Variants in SYT1 observed in about 807,000 individuals in gnomAD.
SYT1 encodes the protein synaptotagmin-1.
Under a neutral mutation model 44.8 loss-of-function variants are expected in SYT1, and 8 were observed. The ratio of observed to expected loss-of-function variants is 0.18; its 90% CI spans 0.10 to 0.32. The LOEUF is 0.32. Ranked by LOEUF, SYT1 falls within the 10% of genes least tolerant of loss-of-function variation. The pLI, the probability that SYT1 is intolerant of heterozygous loss-of-function variation, is 1.00. For missense variants in SYT1, 286 were observed against 509.3 expected (o/e 0.56, Z 4.22); for synonymous variants, 154 against 188.8 (o/e 0.82, Z 1.51).
intron 9 of SYT1, among the ~76,000 whole-genome samples, chr12:79,414,467 G>A (rs1260346821): frequency 1.3e-5 from 2 of 152,094 alleles, no homozygotes; most frequent in African/African-American, 4.8e-5. Context: ...GAGAATTGCA[G>A]CTACTGTCCA....
At chr12:78,943,243 C>T (rs1878478391) in intron 1 of SYT1, among the ~76,000 whole-genome samples, 1 of 152,134 alleles carries the variant, frequency 6.6e-6, no homozygotes, top group African/African-American at 2.4e-5. Flanking sequence ...TAAAGAAGAA[C>T]CTGATAGTGG....
In SYT1 at chr12:79,427,830, G is replaced by A. The variant is rs1593058745; in HGVS notation, c.929-16243G>A. 2.0e-5 allele frequency among the ~76,000 whole-genome samples: 3 copies of A among 152,136 alleles called. No homozygotes were observed. In the South Asian group the frequency reaches 6.2e-4, roughly 32 times the overall value. On this transcript the variant is annotated intron_variant, in intron 9 of 10. Transcript: ENST00000261205. ...CGTCCTGAGAGAAGAAACTGGAGAG[G>A]TAGAGCAGGAGCCAGATCATTCAGG...
intron 1 of SYT1, among the ~76,000 whole-genome samples, chr12:78,975,079 C>T (rs1868719327): frequency 6.6e-6 from 1 of 151,892 alleles, no homozygotes; most frequent in African/African-American, 2.4e-5. Flanking sequence ...ATATTGTTCC[C>T]ACGTTGCGCC....
At chr12:79,364,770 C>T (rs1245779) in intron 9 of SYT1, among the ~76,000 whole-genome samples, 33,849 of 151,932 alleles carry the variant, frequency 0.22, 6,850 homozygotes, top group African/African-American at 0.54. Flanking sequence ...TAAAGTGTCC[C>T]GTTAACAAAC....
intron 1 of SYT1, among the ~76,000 whole-genome samples, chr12:78,931,884 A>T (rs1877776382): frequency 6.6e-6 from 1 of 152,220 alleles, no homozygotes; most frequent in Admixed American, 6.5e-5. Flanking sequence ...TGGTAAAAGC[A>T]GAGTCTGTTC....
chr12:79,095,444 C>CT (rs1012220537), intron 3 of SYT1, among the ~76,000 whole-genome samples: 2 of 151,506 alleles, frequency 1.3e-5, no homozygotes, highest in African/African-American at 2.4e-5. Flanking sequence ...TGTGTCTCTT[C>CT]TTTTTTTTAA....
At chr12:78,955,131 C>A (rs994187618) in intron 1 of SYT1, among the ~76,000 whole-genome samples, 2 of 151,952 alleles carry the variant, frequency 1.3e-5, no homozygotes, top group Non-Finnish European at 2.9e-5. Context: ...TCATTAATGC[C>A]GTTTCATTTT....
intron 9 of SYT1, among the ~76,000 whole-genome samples, chr12:79,359,063 A>G (rs1883221822): frequency 6.6e-6 from 1 of 152,142 alleles, no homozygotes; most frequent in East Asian, 1.9e-4. Context: ...TGAAGCTAGC[A>G]CCTAATTCTT....
At chr12:79,444,994 A>T (rs970335381) in intron 10 of SYT1, among the ~76,000 whole-genome samples, 11 of 152,116 alleles carry the variant, frequency 7.2e-5, no homozygotes, top group African/African-American at 2.7e-4. Context: ...TCAGAGAGTC[A>T]AACTGCATAA....
chr12:79,246,602 G>C (rs539953817), intron 4 of SYT1, among the ~76,000 whole-genome samples: 1 of 152,132 alleles, frequency 6.6e-6, no homozygotes, highest in Admixed American at 6.6e-5. Context: ...CTCCTCACAC[G>C]GTGGCAGGTG....
At chr12:79,297,560 T>C (rs1879934540) in intron 7 of SYT1, among the ~76,000 whole-genome samples, 1 of 152,094 alleles carries the variant, frequency 6.6e-6, no homozygotes, top group Admixed American at 6.5e-5. Flanking sequence ...ATGCTAATAA[T>C]TTTATTAGTA....
intron 3 of SYT1, among the ~76,000 whole-genome samples, chr12:79,142,074 T>C (rs985043763): frequency 2.0e-5 from 3 of 152,172 alleles, no homozygotes; most frequent in African/African-American, 7.2e-5. Context: ...AGAAATGGGT[T>C]CCAAGCATCA....
intron 3 of SYT1, among the ~76,000 whole-genome samples, chr12:79,151,891 G>A (rs558590227): frequency 6.6e-6 from 1 of 152,212 alleles, no homozygotes; most frequent in African/African-American, 2.4e-5. Context: ...GAAATTGGGG[G>A]CTTATCAGCA....
At chr12:79,277,727 T>C (rs1318478489) in intron 4 of SYT1, among the ~76,000 whole-genome samples, 3 of 152,062 alleles carry the variant, frequency 2.0e-5, no homozygotes, top group Non-Finnish European at 2.9e-5. Flanking sequence ...GTTGGCAGAA[T>C]TGATAAAATA....
chr12:79,320,160 TA>T (rs1881285506), intron 8 of SYT1, among the ~76,000 whole-genome samples: 1 of 152,028 alleles, frequency 6.6e-6, no homozygotes, highest in Admixed American at 6.6e-5. Flanking sequence ...TTTTAAAGAA[TA>T]AAAAAGCTAC....
intron 1 of SYT1, among the ~76,000 whole-genome samples, chr12:78,867,773 A>T (rs888269050): frequency 2.0e-5 from 3 of 152,042 alleles, no homozygotes; most frequent in African/African-American, 7.2e-5. Context: ...TCAAATTATC[A>T]GATAGTTCTA....
intron 1 of SYT1, among the ~76,000 whole-genome samples, chr12:78,909,036 A>G (rs2137120549): frequency 6.6e-6 from 1 of 151,996 alleles, no homozygotes; most frequent in Non-Finnish European, 1.5e-5. Flanking sequence ...CAGACTCTGT[A>G]TTGCTCCTCC....
chr12:79,299,702 C>A, intron 8 of SYT1, 151 bp downstream of exon 8: 2 of 920,894 alleles, frequency 2.2e-6, no homozygotes, highest in Non-Finnish European at 3.1e-6. Context: ...CACTGCACCA[C>A]CTCGTTAAAA....
At chr12:79,137,277 A>G (rs1481714003) in intron 3 of SYT1, among the ~76,000 whole-genome samples, 1 of 151,796 alleles carries the variant, frequency 6.6e-6, no homozygotes, top group Non-Finnish European at 1.5e-5. Context: ...TGCATTTTTA[A>G]TAGAGACAGG....
Sources: allele counts gnomAD v4.1 joint callset (sites outside exome capture counted in the v4.1 genomes callset), GRCh38; gene constraint gnomAD v4.1.1; transcripts MANE v1.5; gene names NCBI Gene and HGNC (gene_info 2026-07-23, HGNC 2026-07-21).